PLXNB2: variants seen among roughly 807,000 people sequenced by gnomAD.
PLXNB2 encodes the protein plexin-B2.
In PLXNB2, 85 loss-of-function variants were observed where a neutral mutation model predicts 202.6. The ratio of observed to expected loss-of-function variants is 0.42; its 90% CI spans 0.35 to 0.50. The LOEUF is 0.50. Ranked by LOEUF, PLXNB2 falls within the 20% of genes least tolerant of loss-of-function variation. The pLI, the probability that PLXNB2 is intolerant of heterozygous loss-of-function variation, is 0.02. For synonymous variants in PLXNB2, 1,239 were observed against 1,137.6 expected (o/e 1.09, Z -1.79); for missense variants, 2,063 against 2,586.2 (o/e 0.80, Z 4.39).
At chr22:50,304,129 C>T (rs906503986) in intron 1 of PLXNB2, among the ~76,000 whole-genome samples, 17 of 152,222 alleles carry the variant, frequency 1.1e-4, no homozygotes, top group Non-Finnish European at 2.1e-4. Flanking sequence ...CGGGACTGTG[C>T]GAAACAGAAC....
At chr22:50,300,491 G>A (rs915188437) in intron 1 of PLXNB2, among the ~76,000 whole-genome samples, 1 of 152,238 alleles carries the variant, frequency 6.6e-6, no homozygotes, top group Non-Finnish European at 1.5e-5. Flanking sequence ...GTCAAGGCCA[G>A]ACTCACCCGA....
intron 1 of PLXNB2, among the ~76,000 whole-genome samples, chr22:50,299,430 A>AGCCACGGAG (rs974936043): frequency 6.6e-6 from 1 of 152,180 alleles, no homozygotes; most frequent in Non-Finnish European, 1.5e-5. Context: ...GTCACAGAAA[A>AGCCACGGAG]GCCACGGAGG....
At position 50,276,713 on chromosome 22, in the gene PLXNB2, G is replaced by A. The variant is rs1173183967; in HGVS notation, c.5262-9C>T. 1.2e-6 allele frequency: 2 copies of A among 1,613,108 alleles called. No individual in the cohort carries two copies. Among genetic ancestry groups the A allele is most frequent in the East Asian group, 2.2e-5 (1 of 44,860 alleles). ...GGATCCCCTTGTAGTAACTGCAGGG[G>A]TGGGAGCATCATACAGTGTGGGCGG... On this transcript the variant is annotated splice_polypyrimidine_tract_variant and intron_variant, in intron 34 of 36. Coordinates refer to ENST00000359337, the MANE Select transcript of PLXNB2 (RefSeq NM_012401.4).
chr22:50,296,404 G>A (rs983284374), intron 1 of PLXNB2, among the ~76,000 whole-genome samples: 1 of 151,748 alleles, frequency 6.6e-6, no homozygotes, highest in Non-Finnish European at 1.5e-5. Context: ...TAAGATTAAA[G>A]CAAAACACAA....
In PLXNB2 at chr22:50,289,188, A is replaced by C. The variant is rs763532158; in HGVS notation, c.1069-46T>G. The C allele has an allele frequency of 1.4e-6, 2 of 1,478,382 alleles. No homozygotes were observed. The highest frequency in any genetic ancestry group is 4.8e-5 in the East Asian group (2 of 41,352). 91.6% of individuals were successfully genotyped at this position (1,478,382 alleles called of 1,614,324 possible). On this transcript the variant is annotated intron_variant, in intron 3 of 36. Coordinates refer to ENST00000359337, the MANE Select transcript of PLXNB2 (RefSeq NM_012401.4). This position sits in a 1 kb window ranked among gnomAD's most constrained non-coding sequence, Gnocchi z 8.0. ...ATGGCAGGCAGACCCCCTGTCCTGAAGGGCCCTCTCCACTCGCGCTCCAAG... is the reference window on the plus strand; with the variant it reads ...ATGGCAGGCAGACCCCCTGTCCTGACGGGCCCTCTCCACTCGCGCTCCAAG...
chr22:50,289,284 G>T lies in PLXNB2; in HGVS notation c.1069-142C>A. 2.1e-6 allele frequency: 2 copies of T among 933,470 alleles called. No individual in the cohort carries two copies. Among genetic ancestry groups the T allele is most frequent in the Non-Finnish European group, 3.1e-6 (2 of 641,276 alleles). 57.8% of individuals were successfully genotyped at this position (933,470 alleles called of 1,614,324 possible). A position where few individuals can be genotyped will look rare whatever the true frequency, so the allele number is the denominator to read the frequency against. ...CGTCCCCGAGAACAGAACCCACATG[G>T]CAGGGAGCCCCACCGTGCTCACTGT... On this transcript the variant is annotated intron_variant, in intron 3 of 36. Transcript: ENST00000359337. This position sits in a 1 kb window ranked among gnomAD's most constrained non-coding sequence, Gnocchi z 8.0.
In PLXNB2 at chr22:50,286,238, G is replaced by A. The variant is rs367830837; in HGVS notation, c.1812C>T (p.Phe604=). 41 of 1,613,208 alleles carry A rather than the reference G, an allele frequency of 2.5e-5. No homozygotes were observed. Among genetic ancestry groups the A allele is most frequent in the African/African-American group, 8.0e-5 (6 of 74,944 alleles). The change falls in exon 9 of 37, where the codon TTC becomes TTT. Residue 604 remains phenylalanine, a synonymous_variant. Transcript: ENST00000359337. ...IQLLLRRGNI[F]LTSYQYPFYD... The stretch of plus-strand genomic sequence containing the variant: ...AGAAGGGGTACTGGTAGGACGTGAG[G>A]AAGATGTTGCCTCGTCTAAGGAGGA...
At position 50,278,149 on chromosome 22, in the gene PLXNB2, C is replaced by T; in HGVS notation, c.4855G>A (p.Glu1619Lys). 1 of 1,603,114 alleles carries T rather than the reference C, an allele frequency of 6.2e-7. No individual in the cohort carries two copies. The highest frequency in any genetic ancestry group is 8.5e-7 in the Non-Finnish European group (1 of 1,179,848). ...KEKERTKAIT[E>K]IYLTRLLSVK... is the part of the protein sequence containing the mutation. The stretch of plus-strand genomic sequence containing the variant: ...GAGAGCAGCCGCGTCAGGTAGATCT[C>T]GGTGATGGCCTTCGTCCGCTCCTTC... Residue 1619 changes from glutamate to lysine, a missense_variant, in exon 31 of 37, where the codon GAG becomes AAG. Coordinates refer to ENST00000359337, the MANE Select transcript of PLXNB2 (RefSeq NM_012401.4).
chr22:50,294,976 G>A (rs1450691997), intron 1 of PLXNB2, among the ~76,000 whole-genome samples, 198 bp from the exon 2 acceptor site: 1 of 152,186 alleles, frequency 6.6e-6, no homozygotes, highest in Non-Finnish European at 1.5e-5. Context: ...TCTGTCAGGG[G>A]CTTTCTGCCT....
Position 50,289,985 on chromosome 22 carries a change from G to A in PLXNB2, c.600C>T (p.Tyr200=). 6.2e-7 allele frequency: 1 copy of A among 1,613,400 alleles called. No individual in the cohort carries two copies. Among genetic ancestry groups the A allele is most frequent in the Non-Finnish European group, 8.5e-7 (1 of 1,180,036 alleles). The change falls in exon 3 of 37, where the codon TAC becomes TAT. Residue 200 remains tyrosine, a synonymous_variant. Transcript: ENST00000359337. This position sits in a 1 kb window ranked among gnomAD's most constrained non-coding sequence, Gnocchi z 8.0. The part of the protein sequence containing the change: ...RTDSREAFEA[Y]TDHATYKAGY... ...CGGCCTTGTAGGTGGCGTGGTCCGT[G>A]TAGGCTTCAAAGGCCTCCCTGCTGT... is the stretch of plus-strand genomic sequence containing the variant.
intron 2 of PLXNB2, among the ~76,000 whole-genome samples, chr22:50,293,542 CT>C (rs1047435945): frequency 5.3e-5 from 8 of 152,226 alleles, no homozygotes; most frequent in Non-Finnish European, 8.8e-5. Flanking sequence ...CCCGGCCCAG[CT>C]CGGTGGCAGT....
Position 50,283,904 on chromosome 22 carries a change from C to T in PLXNB2, c.2350G>A (p.Gly784Ser). The change falls in exon 14 of 37, where the codon GGC becomes AGC. Residue 784 changes from glycine to serine, a missense_variant. Physicochemically the swap from Gly to Ser is moderately conservative, Grantham distance 56 (BLOSUM62 0). This residue lies in a region of PLXNB2 where 1,303 missense variants were observed against 1,476.8 expected (regional missense o/e 0.88). Coordinates refer to ENST00000359337, the MANE Select transcript of PLXNB2 (RefSeq NM_012401.4). ...NPDYRCAWCG[G>S]QSRCVYEALC... ...GCCTCATACACGCACCTGCTCTGGC[C>T]CCCGCACCACGCACACCTGTAGTCG... is the stretch of plus-strand genomic sequence containing the variant. 1 of 1,584,850 alleles carries T rather than the reference C, an allele frequency of 6.3e-7. No homozygotes were observed.
At chr22:50,302,157 C>T (rs1474233854) in intron 1 of PLXNB2, among the ~76,000 whole-genome samples, 1 of 152,152 alleles carries the variant, frequency 6.6e-6, no homozygotes, top group Non-Finnish European at 1.5e-5. Context: ...AGAGGGGCTG[C>T]GTCTGCCCAG....
intron 24 of PLXNB2, 30 bp downstream of exon 24, chr22:50,280,714 G>GGGCGC: frequency 2.6e-6 from 4 of 1,528,934 alleles, no homozygotes; most frequent in Non-Finnish European, 3.5e-6. Flanking sequence ...CCACCTGTGT[G>GGGCGC]CCCTCCCGCC....
At chr22:50,304,223 G>A (rs540224180) in intron 1 of PLXNB2, among the ~76,000 whole-genome samples, 15 of 152,320 alleles carry the variant, frequency 9.8e-5, no homozygotes, top group Admixed American at 8.5e-4. Context: ...GTACCACCAG[G>A]GGCAGCCTGT....
Position 50,288,137 on chromosome 22 carries a change from CCGGGGCCT to C in PLXNB2, c.1381-108_1381-101del, listed in dbSNP as rs2066603815. On this transcript the variant is annotated intron_variant, in intron 5 of 36. Transcript: ENST00000359337. This position sits in a 1 kb window ranked among gnomAD's most constrained non-coding sequence, Gnocchi z 5.0. ...ACCGCCAGCTTGACCCAGCTCTGTC[CCGGGGCCT>C]CGGGAGCCTCAGACACCTCAGGCTT... 1 of 899,288 alleles carries C rather than the reference CCGGGGCCT, an allele frequency of 1.1e-6. No individual in the cohort carries two copies. Among genetic ancestry groups the C allele is most frequent in the Non-Finnish European group, 1.7e-6 (1 of 581,282 alleles). The allele number at this position is 899,288 out of a possible 1,614,324, so 55.7% of individuals were successfully genotyped here.
intron 7 of PLXNB2, 85 bp downstream of exon 7, chr22:50,287,582 C>A: frequency 7.5e-7 from 1 of 1,328,394 alleles, no homozygotes; most frequent in East Asian, 2.5e-5. Flanking sequence ...CCCTCCCCTG[C>A]CTGTCCCAAC....
chr22:50,280,096 C>T (rs759859101), intron 25 of PLXNB2, 25 bp from the exon 26 acceptor site: 4 of 1,561,382 alleles, frequency 2.6e-6, no homozygotes, highest in Non-Finnish European at 3.5e-6. Flanking sequence ...AGGCCTTGTA[C>T]CGAGTGACCC....
chr22:50,301,408 G>GACAC, intron 1 of PLXNB2: 1 of 793,566 alleles, frequency 1.3e-6, no homozygotes. Context: ...AGGCGCTCGG[G>GACAC]GCACACGAGG....
Sources: gnomAD v4.1 joint callset for allele counts (sites outside exome capture counted in the v4.1 genomes callset) on GRCh38, gnomAD v4.1.1 for gene constraint, gnomAD v4.1.1 regional missense constraint, Gnocchi (gnomAD v3.1) non-coding constraint, MANE v1.5 for transcripts, NCBI Gene and HGNC (gene_info 2026-07-23, HGNC 2026-07-21) for gene names.